The following FOXP1 variants were observed in gnomAD, a reference collection of about 807,000 sequenced individuals.
FOXP1 encodes forkhead box P1, also known as forkhead box protein P1.
A neutral mutation model predicts 98.2 loss-of-function variants in FOXP1; 15 were observed. The observed-to-expected ratio is 0.15, with a 90% CI of 0.10 to 0.24. FOXP1 has a LOEUF of 0.24. Ranked by LOEUF, FOXP1 falls within the 10% of genes least tolerant of loss-of-function variation. FOXP1 has a pLI of 1.00. For synonymous variants in FOXP1, 371 were observed against 314.5 expected (o/e 1.18, Z -1.90); for missense variants, 633 against 848.5 (o/e 0.75, Z 3.15).
rs765897042 is a variant in FOXP1, at chr3:71,000,981, T to C, written c.1053A>G (p.Leu351=). 1 of 1,609,046 alleles carries C rather than the reference T, an allele frequency of 6.2e-7. No homozygotes were observed. Among genetic ancestry groups the C allele is most frequent in the East Asian group, 2.2e-5 (1 of 44,830 alleles). The part of the protein sequence containing the change: ...CRVQMQVVQQ[L]ELQLAKDKER... ...ATAAATGTGGTTTTACCTGTAGCTC[T>C]AACTGCTGTACAACCTGCATTTGTA... The change falls in exon 13 of 21, where the codon TTA becomes TTG. Residue 351 remains leucine, a synonymous_variant. Coordinates refer to ENST00000649528, the MANE Select transcript of FOXP1 (RefSeq NM_001349338.3).
chr3:71,197,072 CT>C (rs2063345110), intron 6 of FOXP1, among the ~76,000 whole-genome samples: 1 of 152,164 alleles, frequency 6.6e-6, no homozygotes, highest in South Asian at 2.1e-4. Context: ...ATAAAACATG[CT>C]TTATAGCTTG....
At chr3:70,969,032 G>C (rs1404745817) in intron 19 of FOXP1, 3 of 152,114 alleles carry the variant, frequency 2.0e-5, no homozygotes, top group Admixed American at 6.5e-5. Context: ...CAAATGTTCA[G>C]AGATGAAACC....
intron 3 of FOXP1, among the ~76,000 whole-genome samples, chr3:71,487,761 T>C (rs1300340374): frequency 6.6e-6 from 1 of 152,232 alleles, no homozygotes; most frequent in Non-Finnish European, 1.5e-5. Flanking sequence ...TATGGTGAAT[T>C]TGTATGTCCA....
intron 4 of FOXP1, among the ~76,000 whole-genome samples, chr3:71,351,368 G>A (rs978000061): frequency 1.3e-4 from 20 of 152,212 alleles, no homozygotes; most frequent in African/African-American, 4.1e-4. Flanking sequence ...TTAAGGCACC[G>A]ACACTTTAGA....
chr3:71,436,091 A>T (rs1000651583), intron 3 of FOXP1, among the ~76,000 whole-genome samples: 3 of 151,926 alleles, frequency 2.0e-5, no homozygotes, highest in African/African-American at 7.3e-5. Context: ...CTGATTTTTC[A>T]GGGAATGTGG....
intron 11 of FOXP1, among the ~76,000 whole-genome samples, chr3:71,032,002 C>T (rs540100918): frequency 6.6e-6 from 1 of 152,362 alleles, no homozygotes; most frequent in Non-Finnish European, 1.5e-5. Flanking sequence ...GCTATTTTCG[C>T]ATCTCTTCTT....
At chr3:71,306,091 A>G (rs994015618) in intron 4 of FOXP1, 1 of 152,314 alleles carries the variant, frequency 6.6e-6, no homozygotes, top group Non-Finnish European at 1.5e-5. Flanking sequence ...ATATGCAGGA[A>G]GAGGCCCCTT....
intron 2 of FOXP1, among the ~76,000 whole-genome samples, chr3:71,551,828 A>G (rs1262270623): frequency 2.0e-5 from 3 of 152,184 alleles, no homozygotes; most frequent in African/African-American, 7.2e-5. Context: ...ATTCACATGG[A>G]AAGAATTTAA....
chr3:71,426,037 C>A (rs2084125113), intron 3 of FOXP1, among the ~76,000 whole-genome samples: 1 of 152,198 alleles, frequency 6.6e-6, no homozygotes, highest in Non-Finnish European at 1.5e-5. Flanking sequence ...ACCCTAGCAT[C>A]AGCTCAATGC....
Position 71,237,231 on chromosome 3 carries a change from G to GAAAAAAAAAAAA in FOXP1, c.-11-38851_-11-38840dup, listed in dbSNP as rs757405755. On this transcript the variant is annotated intron_variant, in intron 5 of 20. Transcript: ENST00000649528. ...TGGGCGACAGAGCAAGACTCCATCTGAAAAAAAAAAAAAAAAAAAAAAAAA... is the reference window on the plus strand; with the variant it reads ...TGGGCGACAGAGCAAGACTCCATCTGAAAAAAAAAAAAAAAAAAAAAAAAAAAAAAAAAAAAA... Among the ~76,000 whole-genome samples the GAAAAAAAAAAAA allele has an allele frequency of 7.8e-4, 22 of 28,286 alleles. 6 individuals carry two copies. Among genetic ancestry groups the GAAAAAAAAAAAA allele is most frequent in the Non-Finnish European group, 1.2e-3 (20 of 17,168 alleles). The allele number at this position is 28,286 out of a possible 152,430, so 18.6% of individuals were successfully genotyped here.
At chr3:71,486,503 C>T (rs1236507958) in intron 3 of FOXP1, among the ~76,000 whole-genome samples, 2 of 152,158 alleles carry the variant, frequency 1.3e-5, no homozygotes, top group African/African-American at 2.4e-5. Context: ...TCAAAGTCAA[C>T]CGTATCATCC....
chr3:71,037,841 G>A (rs554501609), intron 11 of FOXP1, among the ~76,000 whole-genome samples: 13 of 152,302 alleles, frequency 8.5e-5, no homozygotes, highest in African/African-American at 3.1e-4. Context: ...CGCTCCTCCC[G>A]TAATAGTGCT....
rs10633687 is a variant in FOXP1 at position 70,958,737 on chromosome 3, CAAAAAAAAAAAAA to C, written c.*497_*509del. 1.6e-3 allele frequency: 39 copies of C among 24,048 alleles called. No individual in the cohort carries two copies. The highest frequency in any genetic ancestry group is 0.013 in the East Asian group (13 of 996). The allele number at this position is 24,048 out of a possible 1,614,324, so 1.5% of individuals were successfully genotyped here. A position where few individuals can be genotyped will look rare whatever the true frequency, so the allele number is the denominator to read the frequency against. ...AGGCCTTCCCCATCCCAACTGGAAG[CAAAAAAAAAAAAA>C]AAAAAAAAAAAAAAAAAGGAGTAAA... On this transcript the variant is annotated 3_prime_UTR_variant, in exon 21 of 21. Transcript: ENST00000649528.
At position 70,972,635 on chromosome 3, in the gene FOXP1, C is replaced by G. The variant is rs2036506865; in HGVS notation, c.1572G>C (p.Val524=). 6.2e-7 allele frequency: 1 copy of G among 1,614,044 alleles called. No homozygotes were observed. Among genetic ancestry groups the G allele is most frequent in the Non-Finnish European group, 8.5e-7 (1 of 1,179,864 alleles). ...RHNLSLHKCF[V]RVENVKGAVW... is the part of the protein sequence containing the mutation. The stretch of plus-strand genomic sequence containing the variant: ...CTGCCCCTTTAACGTTTTCTACTCG[C>G]ACAAAACACTTGTGAAGACTAAGAT... The change falls in exon 18 of 21, where the codon GTG becomes GTC. Residue 524 remains valine (V), a synonymous_variant. Coordinates refer to ENST00000649528, the MANE Select transcript of FOXP1 (RefSeq NM_001349338.3).
intron 6 of FOXP1, among the ~76,000 whole-genome samples, chr3:71,169,993 G>A (rs1002325772): frequency 3.3e-5 from 5 of 152,044 alleles, no homozygotes; most frequent in African/African-American, 7.2e-5. Flanking sequence ...AGATAATCAC[G>A]AGATAGGCCC....
intron 6 of FOXP1, chr3:71,130,535 G>T (rs2059504293): frequency 6.3e-7 from 1 of 1,598,316 alleles, no homozygotes; most frequent in African/African-American, 1.3e-5. Context: ...AGCCCGTACT[G>T]TCTGCCTTTG....
rs568017410 is a variant in FOXP1, at chr3:71,336,072, C to T, written c.-73+23078G>A. ...ACAAGGTGAGTCTGAAACATTCTGT[C>T]ATAGCAGGGAGCAAAGAAGCTATGA... is the stretch of plus-strand genomic sequence containing the variant. On this transcript the variant is annotated intron_variant, in intron 4 of 20. Transcript: ENST00000649528. Among the ~76,000 whole-genome samples, 43 of 125,200 alleles carry T rather than the reference C, an allele frequency of 3.4e-4. No individual in the cohort carries two copies. The South Asian group carries it at 0.013, about 36-fold the overall frequency. The allele number at this position is 125,200 out of a possible 152,430, so 82.1% of individuals were successfully genotyped here.
intron 3 of FOXP1, among the ~76,000 whole-genome samples, chr3:71,456,037 C>T (rs2087457246): frequency 2.0e-5 from 3 of 151,962 alleles, no homozygotes; most frequent in Non-Finnish European, 2.9e-5. Flanking sequence ...AAAGGGTTTC[C>T]AAAAAATCAC....
In FOXP1 at chr3:71,379,397, G is replaced by T. The variant is rs577168668; in HGVS notation, c.-167-20153C>A. On this transcript the variant is annotated intron_variant, in intron 3 of 20. Coordinates refer to ENST00000649528, the MANE Select transcript of FOXP1 (RefSeq NM_001349338.3). ...AGGACAAAGTCTCATTTGGGTGCTGGTCTAATGCCTAACACATGTTAAAGT... is the reference window on the plus strand; with the variant it reads ...AGGACAAAGTCTCATTTGGGTGCTGTTCTAATGCCTAACACATGTTAAAGT... Among the ~76,000 whole-genome samples, 4 of 152,158 alleles carry T rather than the reference G, an allele frequency of 2.6e-5. 1 individual carries two copies. In the South Asian group the frequency reaches 8.3e-4, roughly 32 times the overall value.
Sources: gnomAD v4.1 joint callset for allele counts (sites outside exome capture counted in the v4.1 genomes callset) on GRCh38, gnomAD v4.1.1 for gene constraint, MANE v1.5 for transcripts, NCBI Gene and HGNC (gene_info 2026-07-23, HGNC 2026-07-21) for gene names.